The following NRXN3 variants were observed in gnomAD, a reference collection of about 807,000 sequenced individuals.
NRXN3 encodes neurexin 3.
In NRXN3, 32 loss-of-function variants were observed where a neutral mutation model predicts 137.6. The ratio of observed to expected loss-of-function variants is 0.23; its 90% CI spans 0.18 to 0.31. The LOEUF is 0.31. NRXN3 is among the 10% of genes least tolerant of loss of function. The probability of loss-of-function intolerance (pLI) is 1.00; values close to 1 mark genes in which losing one functional copy is unlikely to be tolerated. For missense variants in NRXN3, 1,574 were observed against 2,062.5 expected (o/e 0.76, Z 4.59); for synonymous variants, 798 against 784.5 (o/e 1.02, Z -0.29).
At chr14:79,148,376 A>G (rs1244359527) in intron 15 of NRXN3, among the ~76,000 whole-genome samples, 2 of 152,174 alleles carry the variant, frequency 1.3e-5, no homozygotes, top group Non-Finnish European at 2.9e-5. Flanking sequence ...GAAAGAACTT[A>G]GCTTGCTGAT....
intron 10 of NRXN3, among the ~76,000 whole-genome samples, chr14:78,881,062 TTGG>T (rs2099127898): frequency 1.3e-5 from 2 of 151,856 alleles, no homozygotes; most frequent in African/African-American, 4.9e-5. Flanking sequence ...CCCCTTTTGC[TTGG>T]CATTTCTCCT....
chr14:79,819,648 C>A (rs2099264949), intron 20 of NRXN3, among the ~76,000 whole-genome samples: 1 of 151,884 alleles, frequency 6.6e-6, no homozygotes, highest in Non-Finnish European at 1.5e-5. Context: ...CCACGCCCAG[C>A]TAATTTTTGT....
intron 10 of NRXN3, among the ~76,000 whole-genome samples, chr14:78,954,201 C>T (rs1261905400): frequency 6.6e-6 from 1 of 152,248 alleles, no homozygotes; most frequent in East Asian, 1.9e-4. Flanking sequence ...TGAGTGTAAA[C>T]ATCACTTTTC....
At chr14:79,632,572 G>C (rs2098365373) in intron 16 of NRXN3, among the ~76,000 whole-genome samples, 1 of 152,164 alleles carries the variant, frequency 6.6e-6, no homozygotes, top group Non-Finnish European at 1.5e-5. Context: ...AGCAATCATT[G>C]ACAGTCTCAC....
At chr14:79,775,512 T>A (rs1215419439) in intron 19 of NRXN3, among the ~76,000 whole-genome samples, 2 of 136,910 alleles carry the variant, frequency 1.5e-5, no homozygotes, top group African/African-American at 2.8e-5. Context: ...TGGATAAGAC[T>A]GAAATCAGGT....
intron 15 of NRXN3, among the ~76,000 whole-genome samples, chr14:79,430,071 A>G (rs1011864635): frequency 1.4e-4 from 21 of 152,156 alleles, no homozygotes; most frequent in African/African-American, 4.6e-4. Flanking sequence ...TAATAGGTCT[A>G]TCAGTATGTA....
intron 19 of NRXN3, among the ~76,000 whole-genome samples, chr14:79,747,990 G>T (rs1010144251): frequency 6.6e-6 from 1 of 152,004 alleles, no homozygotes; most frequent in Non-Finnish European, 1.5e-5. Context: ...TCACTCAAAA[G>T]TGGGAGCTGA....
chr14:78,807,313 C>G (rs2098878330), intron 9 of NRXN3, among the ~76,000 whole-genome samples: 1 of 152,198 alleles, frequency 6.6e-6, no homozygotes, highest in Non-Finnish European at 1.5e-5. Context: ...CATTTGAATT[C>G]TCCAGATGTT....
chr14:79,457,248 G>T (rs1280144822), intron 15 of NRXN3, among the ~76,000 whole-genome samples: 1 of 152,130 alleles, frequency 6.6e-6, no homozygotes, highest in East Asian at 1.9e-4. Flanking sequence ...CAGAGGATGT[G>T]CTGCGCCGAT....
intron 15 of NRXN3, among the ~76,000 whole-genome samples, chr14:79,070,150 T>G (rs531240405): frequency 6.6e-6 from 1 of 152,288 alleles, no homozygotes; most frequent in South Asian, 2.1e-4. Context: ...CTCCTATGTT[T>G]GTTCGGGATA....
chr14:79,651,538 G>GA (rs985632898), intron 16 of NRXN3, among the ~76,000 whole-genome samples: 5 of 149,474 alleles, frequency 3.3e-5, no homozygotes, highest in African/African-American at 7.4e-5. Flanking sequence ...GGTGTGACAG[G>GA]AAAAAAAAAG....
intron 16 of NRXN3, among the ~76,000 whole-genome samples, chr14:79,516,174 T>C (rs1445696537): frequency 2.0e-5 from 3 of 152,230 alleles, no homozygotes. Flanking sequence ...ATCTAATGAA[T>C]GTTGATTTCC....
chr14:78,711,524 C>G (rs2098408392), intron 7 of NRXN3, among the ~76,000 whole-genome samples: 1 of 147,592 alleles, frequency 6.8e-6, no homozygotes, highest in Middle Eastern at 3.4e-3. Context: ...TCACTGCAAA[C>G]TCTACCTTCC....
intron 8 of NRXN3, among the ~76,000 whole-genome samples, chr14:78,776,274 C>T (rs2098744597): frequency 6.6e-6 from 1 of 152,166 alleles, no homozygotes; most frequent in Admixed American, 6.5e-5. Flanking sequence ...TTAGTAAATT[C>T]AGAATTCTGA....
intron 19 of NRXN3, among the ~76,000 whole-genome samples, chr14:79,777,730 G>A (rs575933830): frequency 6.6e-6 from 1 of 151,798 alleles, no homozygotes; most frequent in African/African-American, 2.4e-5. Flanking sequence ...AGTAAAATAA[G>A]AATTTTGTGG....
intron 15 of NRXN3, among the ~76,000 whole-genome samples, chr14:79,178,553 T>C (rs1352502895): frequency 1.3e-5 from 2 of 152,202 alleles, no homozygotes; most frequent in Non-Finnish European, 2.9e-5. Context: ...ATAGCTATTG[T>C]TACTAATTTA....
At chr14:79,660,724 T>C (rs1278427836) in intron 16 of NRXN3, among the ~76,000 whole-genome samples, 1 of 152,082 alleles carries the variant, frequency 6.6e-6, no homozygotes, top group Non-Finnish European at 1.5e-5. Flanking sequence ...CATGATTAAT[T>C]AGTGACTTAG....
intron 16 of NRXN3, among the ~76,000 whole-genome samples, chr14:79,524,712 A>G (rs1038474153): frequency 3.3e-5 from 5 of 152,224 alleles, no homozygotes; most frequent in African/African-American, 9.7e-5. Flanking sequence ...AACTTGCAAA[A>G]TGCAAATTGA....
chr14:79,020,864 C>G (rs1373696552), intron 15 of NRXN3, among the ~76,000 whole-genome samples: 1 of 140,246 alleles, frequency 7.1e-6, no homozygotes, highest in African/African-American at 3.0e-5. Flanking sequence ...TTGCATTTTA[C>G]ACACACACAC....
Sources: allele counts gnomAD v4.1 joint callset (sites outside exome capture counted in the v4.1 genomes callset), GRCh38; gene constraint gnomAD v4.1.1; transcripts MANE v1.5; gene names NCBI Gene and HGNC (gene_info 2026-07-23, HGNC 2026-07-21).